The following NT5C2 variants were observed in gnomAD, a reference collection of about 807,000 sequenced individuals.
NT5C2 encodes cytosolic purine 5'-nucleotidase.
In NT5C2, 58 loss-of-function variants were observed where a neutral mutation model predicts 76.1. The observed-to-expected ratio is 0.76, with a 90% CI of 0.62 to 0.95. The LOEUF (loss-of-function observed/expected upper bound fraction) is 0.95. Among genes scored for constraint, NT5C2 ranks in the 40% least tolerant of loss-of-function variants. NT5C2 has a pLI of 0.00. For missense variants in NT5C2, 478 were observed against 690.3 expected, an observed-to-expected ratio of 0.69 and a Z score of 3.45; for synonymous variants, 229 against 237.4, an observed-to-expected ratio of 0.96 and a Z score of 0.32.
intron 12 of NT5C2, 94 bp from the exon 13 acceptor site, chr10:103,094,549 C>T (rs2067692104): frequency 1.4e-6 from 1 of 714,638 alleles, no homozygotes; most frequent in South Asian, 1.6e-5. Flanking sequence ...TATAAAAATA[C>T]TAAGTATAGC....
rs775626343 is a variant in NT5C2, at chr10:103,174,998, A to G, written c.-24-16T>C. 7.2e-7 allele frequency: 1 copy of G among 1,383,166 alleles called. No individual in the cohort carries two copies. Among genetic ancestry groups the G allele is most frequent in the Non-Finnish European group, 1.0e-6 (1 of 973,140 alleles). 85.7% of individuals were successfully genotyped at this position (1,383,166 alleles called of 1,614,324 possible). A position where few individuals can be genotyped will look rare whatever the true frequency, so the allele number is the denominator to read the frequency against. ...ATTTTGTATTCTAGAAAAGAAAATCATTAATTTAGTAACTTAATATTGGCA... is the reference window on the plus strand; with the variant it reads ...ATTTTGTATTCTAGAAAAGAAAATCGTTAATTTAGTAACTTAATATTGGCA... On this transcript the variant is annotated splice_polypyrimidine_tract_variant and intron_variant, in intron 2 of 18. Coordinates refer to ENST00000404739, the MANE Select transcript of NT5C2 (RefSeq NM_001351169.2).
At chr10:103,147,388 T>C (rs2081659478) in intron 3 of NT5C2, among the ~76,000 whole-genome samples, 1 of 152,246 alleles carries the variant, frequency 6.6e-6, no homozygotes, top group Non-Finnish European at 1.5e-5. Context: ...TTTATATTCT[T>C]TTCCCTAAAA....
intron 4 of NT5C2, chr10:103,111,832 CAAAACA>C (rs1321973861): frequency 8.2e-6 from 10 of 1,225,516 alleles, no homozygotes; most frequent in African/African-American, 6.2e-5. Flanking sequence ...AGCAACAAAA[CAAAACA>C]AAAACAAAAA....
intron 4 of NT5C2, among the ~76,000 whole-genome samples, chr10:103,123,859 A>G (rs2076181349): frequency 6.6e-6 from 1 of 152,054 alleles, no homozygotes; most frequent in South Asian, 2.1e-4. Context: ...GGGGGGGAAA[A>G]AAAAAGTCAT....
At chr10:103,098,786 A>C (rs774776080) in intron 10 of NT5C2, 145 bp downstream of exon 10, 31 of 622,528 alleles carry the variant, frequency 5.0e-5, no homozygotes, top group Non-Finnish European at 1.4e-5. Flanking sequence ...CTCTAGCTGA[A>C]TATTCTTGGT....
intron 1 of NT5C2, among the ~76,000 whole-genome samples, chr10:103,189,126 T>C (rs982273375): frequency 3.9e-5 from 6 of 152,132 alleles, no homozygotes; most frequent in Non-Finnish European, 8.8e-5. Context: ...TTGCTGAGTA[T>C]TAGCATGTTT....
At chr10:103,156,712 G>A (rs1426162583) in intron 3 of NT5C2, among the ~76,000 whole-genome samples, 10 of 145,632 alleles carry the variant, frequency 6.9e-5, no homozygotes, top group East Asian at 2.1e-4. Flanking sequence ...CTGAGATCAC[G>A]CCATTGCACT....
rs1214950872 is a variant in NT5C2 at position 103,156,274 on chromosome 10, C to T, written c.102-16795G>A. On this transcript the variant is annotated intron_variant, in intron 3 of 18. Transcript: ENST00000404739. Reference sequence around the variant, plus strand: ...AGGGCCTGGACCATGGCAATACTATCAGGAATGAAAAGGCCAGAGTCTAGA... The same window carrying T: ...AGGGCCTGGACCATGGCAATACTATTAGGAATGAAAAGGCCAGAGTCTAGA... Among the ~76,000 whole-genome samples the T allele has an allele frequency of 2.6e-5, 4 of 152,252 alleles. No individual in the cohort carries two copies. In the East Asian group the frequency reaches 7.7e-4, roughly 29 times the overall value.
At chr10:103,091,819 A>G (rs1380500338) in intron 15 of NT5C2, among the ~76,000 whole-genome samples, 1 of 152,172 alleles carries the variant, frequency 6.6e-6, no homozygotes, top group Non-Finnish European at 1.5e-5. Context: ...GAACACCATC[A>G]CCTTCTCTTT....
At chr10:103,099,670 A>G (rs1335763136) in intron 9 of NT5C2, among the ~76,000 whole-genome samples, 1 of 152,184 alleles carries the variant, frequency 6.6e-6, no homozygotes, top group East Asian at 1.9e-4. Context: ...GTAATACACT[A>G]AAACCTCTTC....
chr10:103,089,486 C>T lies in NT5C2; in HGVS notation c.*186G>A, dbSNP rs916508473. On this transcript the variant is annotated 3_prime_UTR_variant, in exon 19 of 19. Transcript: ENST00000404739. ...CTCCATTACAATTTTGGACCATCTG[C>T]AGAGAGTACAGATACACAAAACCAA... 4 of 1,048,136 alleles carry T rather than the reference C, an allele frequency of 3.8e-6. No homozygotes were observed. The highest frequency in any genetic ancestry group is 3.5e-5 in the Admixed American group (1 of 28,198). The allele number at this position is 1,048,136 out of a possible 1,614,324, so 64.9% of individuals were successfully genotyped here.
rs1394521066 is a variant in NT5C2 at position 103,160,065 on chromosome 10, A to C, written c.101+14793T>G. 2.6e-5 allele frequency among the ~76,000 whole-genome samples: 4 copies of C among 152,210 alleles called. No individual in the cohort carries two copies. In the East Asian group the frequency reaches 7.7e-4, roughly 29 times the overall value. On this transcript the variant is annotated intron_variant, in intron 3 of 18. Coordinates refer to ENST00000404739, the MANE Select transcript of NT5C2 (RefSeq NM_001351169.2). ...AGGACAAATAGATCAAACAAATATA[A>C]TTCAGAGTCCAGAAATAAATTCATA... is the stretch of plus-strand genomic sequence containing the variant.
At chr10:103,153,753 A>T (rs1310247070) in intron 3 of NT5C2, 128 of 983,586 alleles carry the variant, frequency 1.3e-4, no homozygotes, top group East Asian at 1.1e-4. Flanking sequence ...TTACTCTGGG[A>T]GCAAAAAACA....
At chr10:103,104,889 A>C (rs2070795958) in intron 6 of NT5C2, among the ~76,000 whole-genome samples, 1 of 152,250 alleles carries the variant, frequency 6.6e-6, no homozygotes, top group Non-Finnish European at 1.5e-5. Context: ...AAGTTACATA[A>C]GAGACTGACA....
intron 2 of NT5C2, among the ~76,000 whole-genome samples, chr10:103,179,593 T>G (rs563476008): frequency 1.3e-5 from 2 of 152,204 alleles, no homozygotes; most frequent in African/African-American, 4.8e-5. Context: ...CCCAGCTACT[T>G]GGGAGGCTGA....
At chr10:103,184,176 T>C (rs973482583) in intron 1 of NT5C2, among the ~76,000 whole-genome samples, 1 of 151,942 alleles carries the variant, frequency 6.6e-6, no homozygotes, top group African/African-American at 2.4e-5. Context: ...GGTCTCGAAT[T>C]CCTGACCTCA....
At chr10:103,114,135 G>C (rs917766215) in intron 4 of NT5C2, among the ~76,000 whole-genome samples, 4 of 152,136 alleles carry the variant, frequency 2.6e-5, no homozygotes, top group Admixed American at 2.6e-4. Flanking sequence ...ACCCAATTAG[G>C]CCGGCTTGGT....
chr10:103,130,091 T>C (rs2077809184), intron 4 of NT5C2, among the ~76,000 whole-genome samples: 1 of 151,524 alleles, frequency 6.6e-6, no homozygotes, highest in Non-Finnish European at 1.5e-5. Context: ...AGGATGACAA[T>C]GGCGGCTTTG....
chr10:103,097,294 T>C lies in NT5C2; in HGVS notation c.768A>G (p.Thr256=). The change falls in exon 11 of 19, where the codon ACA becomes ACG. Residue 256 remains threonine (T), a synonymous_variant. Transcript: ENST00000404739. The part of the protein sequence containing the change: ...FLATNSDYKY[T]DKIMTYLFDF... ...AATATACACATGAAGCACTTACATC[T>C]GTATATTTATAGTCACTGTTGGTAG... is the stretch of plus-strand genomic sequence containing the variant. The C allele has an allele frequency of 6.2e-7, 1 of 1,608,576 alleles. No homozygotes were observed. Among genetic ancestry groups the C allele is most frequent in the Non-Finnish European group, 8.5e-7 (1 of 1,175,834 alleles).
Sources: gnomAD v4.1 joint callset for allele counts (sites outside exome capture counted in the v4.1 genomes callset) on GRCh38, gnomAD v4.1.1 for gene constraint, MANE v1.5 for transcripts, NCBI Gene and HGNC (gene_info 2026-07-23, HGNC 2026-07-21) for gene names.